PAX2: variants seen among roughly 807,000 people sequenced by gnomAD.
PAX2 encodes paired box protein Pax-2.
In PAX2, 9 loss-of-function variants were observed where a neutral mutation model predicts 41.7. The ratio of observed to expected loss-of-function variants is 0.22; its 90% confidence interval spans 0.13 to 0.38. The LOEUF is 0.38. PAX2 is among the 10% of genes least tolerant of loss of function. PAX2 has a pLI of 1.00. For missense variants in PAX2, 418 were observed against 531.6 expected (o/e 0.79, Z 2.10); for synonymous variants, 221 against 212.7 (o/e 1.04, Z -0.34).
At chr10:100,782,805 C>T (rs748227766) in intron 5 of PAX2, among the ~76,000 whole-genome samples, 1 of 152,260 alleles carries the variant, frequency 6.6e-6, no homozygotes, top group Non-Finnish European at 1.5e-5. Flanking sequence ...GGGAAAGGCC[C>T]TAAGTCCCAG....
chr10:100,751,106 C>T (rs1196063646), intron 3 of PAX2, among the ~76,000 whole-genome samples: 1 of 152,188 alleles, frequency 6.6e-6, no homozygotes, highest in East Asian at 1.9e-4. Flanking sequence ...TATTCCCTGC[C>T]AGGCTTCTCC....
chr10:100,773,843 T>C (rs1006519641), intron 3 of PAX2, among the ~76,000 whole-genome samples: 10 of 152,198 alleles, frequency 6.6e-5, no homozygotes, highest in African/African-American at 2.4e-4. Context: ...TGCTCAGCAC[T>C]CTGCCACTAT....
upstream of PAX2, among the ~76,000 whole-genome samples, chr10:100,744,316 G>T (rs1359523446): frequency 6.6e-6 from 1 of 152,388 alleles, no homozygotes; most frequent in East Asian, 1.9e-4. Context: ...GGAAGCGGGG[G>T]GAGGGAGCGA....
chr10:100,809,414 CTG>C (rs1406085350), intron 7 of PAX2, among the ~76,000 whole-genome samples, 178 bp downstream of exon 7: 1 of 152,152 alleles, frequency 6.6e-6, no homozygotes. Context: ...GAGAAAAAAA[CTG>C]GGGTCAGGGC....
chr10:100,809,262 G>A, intron 7 of PAX2, 26 bp downstream of exon 7: 2 of 1,609,386 alleles, frequency 1.2e-6, no homozygotes, highest in Non-Finnish European at 1.7e-6. Flanking sequence ...GGAGGGTGGG[G>A]GCACTGCGTT....
At chr10:100,742,275 T>A (rs1844982268), upstream of PAX2, among the ~76,000 whole-genome samples, 1 of 152,180 alleles carries the variant, frequency 6.6e-6, no homozygotes, top group Non-Finnish European at 1.5e-5. Context: ...TTGCACAACA[T>A]GCCCAGAAAC....
rs540285918 is a variant in PAX2, at chr10:100,781,771, G to A, written c.616+406G>A. On this transcript the variant is annotated intron_variant, in intron 5 of 9. Coordinates refer to ENST00000355243, the MANE Select transcript of PAX2 (RefSeq NM_000278.5). Reference sequence around the variant, plus strand: ...AGGTGAGGTAGTGATGTCATGTGCAGCCTAGCCTGGTGTCCTTTCTCTTTA... The same window carrying A: ...AGGTGAGGTAGTGATGTCATGTGCAACCTAGCCTGGTGTCCTTTCTCTTTA... 1.8e-4 allele frequency among the ~76,000 whole-genome samples: 27 copies of A among 152,330 alleles called. No homozygotes were observed. In the East Asian group the frequency reaches 2.9e-3, roughly 16 times the overall value.
At chr10:100,802,419 C>T (rs542091106) in intron 5 of PAX2, among the ~76,000 whole-genome samples, 133 of 152,230 alleles carry the variant, frequency 8.7e-4, no homozygotes, top group Non-Finnish European at 1.5e-3. Context: ...GGTAGAGGCA[C>T]CAGAGATGGG....
chr10:100,809,980 G>GT (rs1001409781), intron 7 of PAX2, among the ~76,000 whole-genome samples: 1 of 152,240 alleles, frequency 6.6e-6, no homozygotes, highest in African/African-American at 2.4e-5. Flanking sequence ...CTGCAGAAGG[G>GT]TTTCCAGGCC....
chr10:100,774,857 CCTT>C (rs1165358775), intron 3 of PAX2, among the ~76,000 whole-genome samples: 2 of 152,236 alleles, frequency 1.3e-5, no homozygotes, highest in Non-Finnish European at 1.5e-5. Flanking sequence ...GAACCCATGT[CCTT>C]CTTCCTTTTG....
At chr10:100,819,338 A>T (rs1178615108) in intron 7 of PAX2, among the ~76,000 whole-genome samples, 1 of 151,626 alleles carries the variant, frequency 6.6e-6, no homozygotes, top group Non-Finnish European at 1.5e-5. Flanking sequence ...GGAGGCTAAG[A>T]CAGGCAGAGC....
At chr10:100,795,983 C>T (rs1847316222) in intron 5 of PAX2, among the ~76,000 whole-genome samples, 1 of 152,218 alleles carries the variant, frequency 6.6e-6, no homozygotes, top group African/African-American at 2.4e-5. Flanking sequence ...CTTTCTTTCT[C>T]CAAGGCCCTT....
At chr10:100,812,839 A>G (rs1248922663) in intron 7 of PAX2, among the ~76,000 whole-genome samples, 1 of 152,176 alleles carries the variant, frequency 6.6e-6, no homozygotes, top group African/African-American at 2.4e-5. Flanking sequence ...GACACAGTGC[A>G]AGTCCACCCC....
Position 100,824,687 on chromosome 10 carries a change from C to T in PAX2, c.959C>T (p.Pro320Leu), listed in dbSNP as rs747966683. 7 of 1,611,332 alleles carry T rather than the reference C, an allele frequency of 4.3e-6. No individual in the cohort carries two copies. Among genetic ancestry groups the T allele is most frequent in the Non-Finnish European group, 5.1e-6 (6 of 1,177,474 alleles). The change falls in exon 8 of 10, where the codon CCT (proline) becomes CTT (leucine). Residue 320 changes from proline to leucine, a missense_variant. Physicochemically the swap from Pro to Leu is moderately conservative, Grantham distance 98 (BLOSUM62 -3). Coordinates refer to ENST00000355243, the MANE Select transcript of PAX2 (RefSeq NM_000278.5). The surrounding 1 kb of genome is among the most constrained non-coding windows in gnomAD (Gnocchi z 6.6). Reference sequence around the variant, plus strand: ...AGCACCACTCTGCCTGGTTACCCCCCTCACGTGCCCCCCACTGGCCAGGGA... The same window carrying T: ...AGCACCACTCTGCCTGGTTACCCCCTTCACGTGCCCCCCACTGGCCAGGGA... ...MASTTLPGYP[P>L]HVPPTGQGSY... is the part of the protein sequence containing the mutation.
chr10:100,790,133 G>T (rs1416269348), intron 5 of PAX2, among the ~76,000 whole-genome samples: 1 of 152,160 alleles, frequency 6.6e-6, no homozygotes, highest in African/African-American at 2.4e-5. Context: ...CTGGTTGTTT[G>T]GGGAAGTATT....
rs139804056 is a variant in PAX2 at position 100,792,492 on chromosome 10, G to C, written c.616+11127G>C. 5.1e-3 allele frequency among the ~76,000 whole-genome samples: 776 copies of C among 152,308 alleles called. 11 individuals are homozygous for C. Among genetic ancestry groups the C allele is most frequent in the African/African-American group, 0.018 (744 of 41,560 alleles). ...GAAGTCTATCTCCCTTCTCTTTCTG[G>C]GAACTCCATGTCTGCTCTATTCAAA... On this transcript the variant is annotated intron_variant, in intron 5 of 9. Coordinates refer to ENST00000355243, the MANE Select transcript of PAX2 (RefSeq NM_000278.5).
chr10:100,747,784 A>G, intron 1 of PAX2: 1 of 984,852 alleles, frequency 1.0e-6, no homozygotes, highest in Non-Finnish European at 1.2e-6. Flanking sequence ...GCGGGCCGGA[A>G]AGCCTCGGTC....
At chr10:100,757,209 T>C (rs1338724413) in intron 3 of PAX2, among the ~76,000 whole-genome samples, 3 of 152,194 alleles carry the variant, frequency 2.0e-5, no homozygotes, top group African/African-American at 7.2e-5. Context: ...GAAAAGGCCC[T>C]GAGGCCAAGA....
At chr10:100,794,070 T>A (rs1043444022) in intron 5 of PAX2, among the ~76,000 whole-genome samples, 11 of 152,172 alleles carry the variant, frequency 7.2e-5, no homozygotes, top group African/African-American at 2.7e-4. Flanking sequence ...TTGGCTGGGC[T>A]GGATGGTGAC....
Sources: allele counts gnomAD v4.1 joint callset (sites outside exome capture counted in the v4.1 genomes callset), GRCh38; gene constraint gnomAD v4.1.1; non-coding constraint Gnocchi (gnomAD v3.1); transcripts MANE v1.5; gene names NCBI Gene and HGNC (gene_info 2026-07-23, HGNC 2026-07-21).